The following ESPL1 variants were observed in gnomAD, a reference collection of about 807,000 sequenced individuals.
ESPL1 encodes extra spindle pole bodies like 1, separase, also known as separin.
In ESPL1, 50 loss-of-function variants were observed where a neutral mutation model predicts 217.2. The ratio of observed to expected loss-of-function variants is 0.23; its 90% CI spans 0.18 to 0.29. The LOEUF is 0.29. Ranked by LOEUF, ESPL1 falls within the 10% of genes least tolerant of loss-of-function variation. The pLI, the probability that ESPL1 is intolerant of heterozygous loss-of-function variation, is 1.00. For synonymous variants in ESPL1, 994 were observed against 1,081.3 expected (o/e 0.92, Z 1.58); for missense variants, 1,834 against 2,603.0 (o/e 0.70, Z 6.43).
chr12:53,291,716 C>A lies in ESPL1; in HGVS notation c.5547C>A (p.Leu1849=), dbSNP rs1276069642. 7.4e-6 allele frequency: 12 copies of A among 1,613,976 alleles called. No homozygotes were observed. Residue 1849 remains leucine (L), a synonymous_variant, in exon 26 of 31, where the codon CTC becomes CTA. Coordinates refer to ENST00000257934, the MANE Select transcript of ESPL1 (RefSeq NM_012291.5). ...TCATGCTCAGTGGTGCCGGTGCCCT[C>A]ACCCCTCAGGACATTCAGGCCCTGG... is the stretch of plus-strand genomic sequence containing the variant. ...LKIMLSGAGA[L]TPQDIQALAY...
intron 7 of ESPL1, among the ~76,000 whole-genome samples, chr12:53,275,726 C>CTTTTTT (rs560945425): frequency 7.7e-6 from 1 of 129,536 alleles, no homozygotes. Flanking sequence ...GTGTCTGTTC[C>CTTTTTT]TTTTTTTTTT....
In ESPL1 at chr12:53,282,168, G is replaced by C; in HGVS notation, c.2620-96G>C. On this transcript the variant is annotated intron_variant, in intron 13 of 30. Coordinates refer to ENST00000257934, the MANE Select transcript of ESPL1 (RefSeq NM_012291.5). The surrounding 1 kb of genome is among the most constrained non-coding windows in gnomAD (Gnocchi z 4.0). ...ATTCTAAAATCTTTCTAATACCCAG[G>C]GCCTTCAGGGATGGGGCCACGTAAT... is the stretch of plus-strand genomic sequence containing the variant. 1.0e-6 allele frequency: 1 copy of C among 954,626 alleles called. No individual in the cohort carries two copies. Among genetic ancestry groups the C allele is most frequent in the Non-Finnish European group, 1.7e-6 (1 of 605,388 alleles). The allele number at this position is 954,626 out of a possible 1,614,324, so 59.1% of individuals were successfully genotyped here.
chr12:53,284,651 G>T (rs1010783428), intron 17 of ESPL1, among the ~76,000 whole-genome samples: 1 of 152,054 alleles, frequency 6.6e-6, no homozygotes, highest in Non-Finnish European at 1.5e-5. Flanking sequence ...CAGAGAGCCT[G>T]TCCCAGACTT....
chr12:53,278,072 T>G, intron 11 of ESPL1, 112 bp downstream of exon 11: 1 of 1,108,916 alleles, frequency 9.0e-7, no homozygotes. Flanking sequence ...AAGCCAGTGA[T>G]GGAAGCGCAG....
chr12:53,276,897 T>C lies in ESPL1; in HGVS notation c.1940+38T>C, dbSNP rs367676774. 1.6e-5 allele frequency: 26 copies of C among 1,604,022 alleles called. 1 individual carries two copies. In the East Asian group the frequency reaches 5.4e-4, roughly 33 times the overall value. On this transcript the variant is annotated intron_variant, in intron 8 of 30. Coordinates refer to ENST00000257934, the MANE Select transcript of ESPL1 (RefSeq NM_012291.5). ...AGCTGCAGAGGCCACTCTTGCTCCT[T>C]GCCCTAGGTCCTCTCACCCTCTTGA...
chr12:53,283,237 A>T lies in ESPL1; in HGVS notation c.2900A>T (p.Glu967Val). Residue 967 changes from glutamate (E) to valine (V), a missense_variant, in exon 15 of 31, where the codon GAG becomes GTG. This residue lies in a region of ESPL1 where 107 missense variants were observed against 171.7 expected (regional missense o/e 0.62). Coordinates refer to ENST00000257934, the MANE Select transcript of ESPL1 (RefSeq NM_012291.5). ...CTCTCAACTCAGAAAGCAGCTGTGG[A>T]GACATCGTTTTTGGACTATGGTGAG... ...DILSTQKAAVETSFLDYGENL... is the reference protein window; with the variant it reads ...DILSTQKAAVVTSFLDYGENL... The T allele has an allele frequency of 6.2e-7, 1 of 1,614,194 alleles. No homozygotes were observed. Among genetic ancestry groups the T allele is most frequent in the Admixed American group, 1.7e-5 (1 of 60,026 alleles).
rs915304944 is a variant in ESPL1 at position 53,279,942 on chromosome 12, A to G, written c.2499+76A>G. 8 of 1,452,078 alleles carry G rather than the reference A, an allele frequency of 5.5e-6. No homozygotes were observed. In the Admixed American group the frequency reaches 7.3e-5, roughly 13 times the overall value. 89.9% of individuals were successfully genotyped at this position (1,452,078 alleles called of 1,614,324 possible). ...AGAGGCCCACCTCTGAGAAGACAGG[A>G]TATCAAAGGGGCAGCTTCTCGGCCT... On this transcript the variant is annotated intron_variant, in intron 12 of 30. Coordinates refer to ENST00000257934, the MANE Select transcript of ESPL1 (RefSeq NM_012291.5).
Position 53,279,758 on chromosome 12 carries a change from G to C in ESPL1, c.2391G>C (p.Leu797=), listed in dbSNP as rs758088568. 6.2e-7 allele frequency: 1 copy of C among 1,613,994 alleles called. No individual in the cohort carries two copies. The highest frequency in any genetic ancestry group is 1.7e-5 in the Admixed American group (1 of 59,998). Residue 797 remains leucine (L), a synonymous_variant, in exon 12 of 31, where the codon CTG becomes CTC. Coordinates refer to ENST00000257934, the MANE Select transcript of ESPL1 (RefSeq NM_012291.5). ...CCATGCAGGCTCTGGAGGTCCTCCT[G>C]CTGCTACGGATTGTCTCTGAGAGAC... ...AKPMQALEVL[L]LLRIVSERLK...
chr12:53,286,021 A>G lies in ESPL1; in HGVS notation c.3285A>G (p.Pro1095=), dbSNP rs1412457502. The change falls in exon 18 of 31, where the codon CCA becomes CCG. Residue 1095 remains proline, a synonymous_variant. Coordinates refer to ENST00000257934, the MANE Select transcript of ESPL1 (RefSeq NM_012291.5). This position sits in a 1 kb window ranked among gnomAD's most constrained non-coding sequence, Gnocchi z 5.3. ...QAQVPCPPQL[P]EEELFLRGPA... ...AGGTCCCCTGTCCTCCACAGCTCCC[A>G]GAGGAGGAGCTCTTCCTAAGAGGCC... is the stretch of plus-strand genomic sequence containing the variant. 1 of 1,606,188 alleles carries G rather than the reference A, an allele frequency of 6.2e-7. No individual in the cohort carries two copies. The highest frequency in any genetic ancestry group is 8.5e-7 in the Non-Finnish European group (1 of 1,173,404).
rs1412677428 is a variant in ESPL1 at position 53,282,841 on chromosome 12, G to A, written c.2792-288G>A. Among the ~76,000 whole-genome samples, 1 of 152,104 alleles carries A rather than the reference G, an allele frequency of 6.6e-6. No individual in the cohort carries two copies. Among genetic ancestry groups the A allele is most frequent in the Non-Finnish European group, 1.5e-5 (1 of 68,024 alleles). ...ACTAATTTTTGTATTATTAGTAGAG[G>A]TGGGGTTTCACCATGTTGGCCAGGC... On this transcript the variant is annotated intron_variant, in intron 14 of 30. Coordinates refer to ENST00000257934, the MANE Select transcript of ESPL1 (RefSeq NM_012291.5). The surrounding 1 kb of genome is among the most constrained non-coding windows in gnomAD (Gnocchi z 4.0).
intron 12 of ESPL1, 28 bp downstream of exon 12, chr12:53,279,894 G>A (rs201457433): frequency 6.5e-7 from 1 of 1,531,164 alleles, no homozygotes; most frequent in East Asian, 2.4e-5. Flanking sequence ...CTAGTCTGGG[G>A]ACTGCAGGGG....
At chr12:53,276,997 G>C (rs1458115955) in intron 8 of ESPL1, 86 bp from the exon 9 acceptor site, 2 of 1,568,360 alleles carry the variant, frequency 1.3e-6, no homozygotes, top group East Asian at 2.3e-5. Flanking sequence ...AAAGGGCGAG[G>C]CCAGCTGTTC....
chr12:53,281,713 T>C (rs542051242), intron 13 of ESPL1, 87 bp downstream of exon 13: 23 of 1,309,974 alleles, frequency 1.8e-5, no homozygotes, highest in Non-Finnish European at 2.4e-5. Flanking sequence ...TTTTGAGATT[T>C]CCCTGGAGCT....
intron 11 of ESPL1, among the ~76,000 whole-genome samples, chr12:53,278,782 G>C (rs1044204782): frequency 6.6e-6 from 1 of 151,612 alleles, no homozygotes; most frequent in African/African-American, 2.4e-5. Context: ...GTATAGACAG[G>C]GTTTCACCAT....
chr12:53,290,595 T>A, intron 24 of ESPL1, 126 bp downstream of exon 24: 1 of 733,410 alleles, frequency 1.4e-6, no homozygotes, highest in Non-Finnish European at 1.9e-6. Context: ...AGTGTAGACC[T>A]AAATTTAAAA....
chr12:53,268,708 A>G, intron 1 of ESPL1, 47 bp from the exon 2 acceptor site: 1 of 1,167,184 alleles, frequency 8.6e-7, no homozygotes, highest in South Asian at 1.3e-5. Context: ...CCCTTCCTCC[A>G]GTTAGCTTCA....
chr12:53,290,549 G>A, intron 24 of ESPL1, 80 bp downstream of exon 24: 1 of 1,512,498 alleles, frequency 6.6e-7, no homozygotes, highest in Non-Finnish European at 9.1e-7. Flanking sequence ...CAGACGGCCT[G>A]GGTCAGTGCT....
At chr12:53,287,865 G>T in intron 18 of ESPL1, 107 bp from the exon 19 acceptor site, 5 of 1,106,372 alleles carry the variant, frequency 4.5e-6, no homozygotes, top group Non-Finnish European at 6.4e-6. Flanking sequence ...ATCTTCCAGG[G>T]TCCTGTGTGA....
rs186239817 is a variant in ESPL1, at chr12:53,283,434, A to G, written c.2973A>G (p.Ser991=). 28 of 1,614,056 alleles carry G rather than the reference A, an allele frequency of 1.7e-5. No individual in the cohort carries two copies. Among genetic ancestry groups the G allele is most frequent in the Non-Finnish European group, 2.4e-5 (28 of 1,179,990 alleles). The stretch of plus-strand genomic sequence containing the variant: ...TTCTTTCAGAGGTGCTGAGCTGCTC[A>G]GAGAAGCTGGTCTGCCACCTGGGCC... ...WQVLSEVLSC[S]EKLVCHLGRL... is the part of the protein sequence containing the mutation. Residue 991 remains serine, a synonymous_variant, in exon 16 of 31, where the codon TCA becomes TCG. Transcript: ENST00000257934.
Sources: gnomAD v4.1 joint callset for allele counts (sites outside exome capture counted in the v4.1 genomes callset) on GRCh38, gnomAD v4.1.1 for gene constraint, gnomAD v4.1.1 regional missense constraint, Gnocchi (gnomAD v3.1) non-coding constraint, MANE v1.5 for transcripts, NCBI Gene and HGNC (gene_info 2026-07-23, HGNC 2026-07-21) for gene names.